Variants in PCDHA5 observed in about 807,000 individuals in gnomAD.
PCDHA5 encodes the protein protocadherin alpha 5, also known as protocadherin alpha-5.
PCDHA5 carries 43 observed loss-of-function variants against 61.6 expected under a neutral mutation model. The observed-to-expected ratio is 0.70, with a 90% CI of 0.55 to 0.90. The LOEUF (loss-of-function observed/expected upper bound fraction) is 0.90, where lower values mean the gene tolerates loss of function less well. Ranked by LOEUF, PCDHA5 falls within the 40% of genes least tolerant of loss-of-function variation. The pLI, the probability that PCDHA5 is intolerant of heterozygous loss-of-function variation, is 0.00. For missense variants in PCDHA5, 1,298 were observed against 1,222.7 expected (o/e 1.06, Z -0.92); for synonymous variants, 627 against 543.9 (o/e 1.15, Z -2.13).
rs201271180 is a variant in PCDHA5, at chr5:140,836,512, T to A, written c.2352+12385T>A. 12 of 1,613,844 alleles carry A rather than the reference T, an allele frequency of 7.4e-6. No individual in the cohort carries two copies. The highest frequency in any genetic ancestry group is 1.0e-5 in the Non-Finnish European group (12 of 1,179,842). On this transcript the variant is annotated intron_variant, in intron 1 of 3. Coordinates refer to ENST00000529859, the MANE Select transcript of PCDHA5 (RefSeq NM_018908.3). ...ATCGCCATCTGCGCGGTGTCCAGTC[T>A]GTTGGTGCTTACCCTGCTGCTGTAC... is the stretch of plus-strand genomic sequence containing the variant.
At chr5:140,912,654 G>T (rs1411811349) in intron 1 of PCDHA5, among the ~76,000 whole-genome samples, 4 of 152,076 alleles carry the variant, frequency 2.6e-5, no homozygotes, top group Non-Finnish European at 5.9e-5. Flanking sequence ...GAATAGAAGT[G>T]GTGAAAATGG....
intron 1 of PCDHA5, chr5:140,868,717 A>G (rs1420363814): frequency 5.3e-6 from 1 of 189,344 alleles, no homozygotes; most frequent in African/African-American, 2.4e-5. Context: ...AATAATTTAA[A>G]TTTGATGTTA....
At chr5:140,858,708 T>C in intron 1 of PCDHA5, 1 of 547,182 alleles carries the variant, frequency 1.8e-6, no homozygotes, top group African/African-American at 1.9e-5. Context: ...AAATATGTGA[T>C]ATAGGTTGCA....
Position 140,850,196 on chromosome 5 carries a change from A to C in PCDHA5, c.2352+26069A>C, listed in dbSNP as rs1367952118. 5 of 1,592,830 alleles carry C rather than the reference A, an allele frequency of 3.1e-6. No homozygotes were observed. The Admixed American group carries it at 8.4e-5, about 27-fold the overall frequency. On this transcript the variant is annotated intron_variant, in intron 1 of 3. Transcript: ENST00000529859. ...ACGACAATGCGCCGGCGCTGCTGAC[A>C]CCTCGGATGAGGGGCACTGACGGCG...
chr5:140,913,471 C>G (rs2076351409), intron 1 of PCDHA5, among the ~76,000 whole-genome samples: 1 of 152,010 alleles, frequency 6.6e-6, no homozygotes, highest in South Asian at 2.1e-4. Context: ...TGGGTCTTCT[C>G]TCTTTTTTTC....
chr5:140,857,220 A>C (rs1554149674), intron 1 of PCDHA5: 1 of 1,598,480 alleles, frequency 6.3e-7, no homozygotes, highest in Admixed American at 1.7e-5. Flanking sequence ...CTGACGCCTC[A>C]CGTTCCGTTC....
chr5:140,835,424 T>C (rs2150235453), intron 1 of PCDHA5: 4 of 1,613,962 alleles, frequency 2.5e-6, no homozygotes, highest in South Asian at 2.2e-5. Flanking sequence ...ATGACAATGC[T>C]CCACAGTTGA....
chr5:140,845,533 AT>A, intron 1 of PCDHA5, among the ~76,000 whole-genome samples: 1 of 149,618 alleles, frequency 6.7e-6, no homozygotes, highest in African/African-American at 2.4e-5. Flanking sequence ...ACTTTTCACT[AT>A]TCTAATTATG....
rs782722148 is a variant in PCDHA5 at position 140,857,308 on chromosome 5, T to C, written c.2352+33181T>C. 3.4e-5 allele frequency: 54 copies of C among 1,598,232 alleles called. 3 individuals carry two copies. The highest frequency in any genetic ancestry group is 4.5e-5 in the Non-Finnish European group (53 of 1,167,612). On this transcript the variant is annotated intron_variant, in intron 1 of 3. Transcript: ENST00000529859. ...TGGACCGCGAGAGGGTGTCGGCCTA[T>C]GAGCTGGTGGTGACCGCGCGGGACG...
intron 1 of PCDHA5, among the ~76,000 whole-genome samples, chr5:140,920,549 G>T (rs957534849): frequency 6.6e-6 from 1 of 152,120 alleles, no homozygotes; most frequent in Non-Finnish European, 1.5e-5. Flanking sequence ...TTTCACCTTC[G>T]AAGTGTGGCC....
chr5:140,995,284 G>A (rs1439846116), intron 3 of PCDHA5, among the ~76,000 whole-genome samples: 2 of 152,112 alleles, frequency 1.3e-5, no homozygotes, highest in African/African-American at 4.8e-5. Flanking sequence ...TACCAAAACA[G>A]CCAGTCGGAT....
At chr5:140,870,461 C>T (rs1554164294) in intron 1 of PCDHA5, 1 of 1,614,246 alleles carries the variant, frequency 6.2e-7, no homozygotes, top group Non-Finnish European at 8.5e-7. Context: ...AATGCGCCTG[C>T]GTTCGCACAG....
chr5:140,974,328 C>G (rs2096623040), intron 1 of PCDHA5, among the ~76,000 whole-genome samples: 1 of 152,198 alleles, frequency 6.6e-6, no homozygotes, highest in Admixed American at 6.5e-5. Flanking sequence ...AGCTGCTGTG[C>G]TAGCAGGCTA....
At chr5:140,894,403 T>C (rs1442623931) in intron 1 of PCDHA5, among the ~76,000 whole-genome samples, 3 of 152,046 alleles carry the variant, frequency 2.0e-5, no homozygotes, top group Non-Finnish European at 4.4e-5. Context: ...TTCTTTGCTT[T>C]TCTTTTGTAG....
rs1359152136 is a variant in PCDHA5, at chr5:140,969,072, C to T, written c.2353-9877C>T. 2.1e-5 allele frequency: 34 copies of T among 1,613,982 alleles called. No individual in the cohort carries two copies. The highest frequency in any genetic ancestry group is 5.0e-5 in the Admixed American group (3 of 59,998). On this transcript the variant is annotated intron_variant, in intron 1 of 3. Transcript: ENST00000529859. ...AACAACAATATTGATGCCAGGATACCGCATGGCCTCAAAGTGCAGCCTCAC... is the reference window on the plus strand; with the variant it reads ...AACAACAATATTGATGCCAGGATACTGCATGGCCTCAAAGTGCAGCCTCAC...
rs2150250945 is a variant in PCDHA5 at position 140,836,022 on chromosome 5, A to G, written c.2352+11895A>G. 3.1e-6 allele frequency: 5 copies of G among 1,613,430 alleles called. No homozygotes were observed. In the South Asian group the frequency reaches 5.5e-5, roughly 18 times the overall value. On this transcript the variant is annotated intron_variant, in intron 1 of 3. Transcript: ENST00000529859. Reference sequence around the variant, plus strand: ...CGATGCGGGCGTGCCGCCTCTGGGCAGCAACGTGACGCTGCAGGTGTTCGT... The same window carrying G: ...CGATGCGGGCGTGCCGCCTCTGGGCGGCAACGTGACGCTGCAGGTGTTCGT...
Position 140,850,429 on chromosome 5 carries a change from A to T in PCDHA5, c.2352+26302A>T. The T allele has an allele frequency of 1.3e-6, 2 of 1,597,934 alleles. 1 individual carries two copies. Among genetic ancestry groups the T allele is most frequent in the Middle Eastern group, 3.3e-4 (2 of 5,994 alleles). ...CTGGACGAAACGGACGCACCGCGCC[A>T]GCGCCTACTGGTGCTGGTGAAAGAC... On this transcript the variant is annotated intron_variant, in intron 1 of 3. Coordinates refer to ENST00000529859, the MANE Select transcript of PCDHA5 (RefSeq NM_018908.3).
chr5:140,925,108 G>GGAAGGAAGGAAGGAAGGAAGGAA (rs1554202548), intron 1 of PCDHA5, among the ~76,000 whole-genome samples: 19 of 124,700 alleles, frequency 1.5e-4, no homozygotes, highest in Middle Eastern at 4.0e-3. Context: ...GAAGGAAGGA[G>GGAAGGAAGGAAGGAAGGAAGGAA]GGAAGGAAGG....
intron 1 of PCDHA5, chr5:140,850,491 C>T (rs2150486292): frequency 1.3e-6 from 2 of 1,597,970 alleles, no homozygotes; most frequent in South Asian, 1.1e-5. Flanking sequence ...GGCCACTGTG[C>T]TGGTGTCGCT....
Sources: gnomAD v4.1 joint callset for allele counts (sites outside exome capture counted in the v4.1 genomes callset) on GRCh38, gnomAD v4.1.1 for gene constraint, MANE v1.5 for transcripts, NCBI Gene and HGNC (gene_info 2026-07-23, HGNC 2026-07-21) for gene names.